The following CST2 variants were observed in gnomAD, a reference collection of about 807,000 sequenced individuals.
CST2 encodes the protein cystatin-SA.
In CST2, 26 loss-of-function variants were observed where a neutral mutation model predicts 13.4. The ratio of observed to expected loss-of-function variants is 1.95; its 90% CI spans 1.43 to 2.70. The LOEUF is 2.70. Among genes scored for constraint, CST2 ranks in the 30% most tolerant of loss-of-function variants. The pLI is 0.00. For missense variants in CST2, 243 were observed against 173.4 expected (o/e 1.40, Z -2.25); for synonymous variants, 105 against 71.1 (o/e 1.48, Z -2.40).
intron 2 of CST2, 113 bp downstream of exon 2, chr20:23,825,097 C>T: frequency 3.5e-6 from 5 of 1,448,816 alleles, no homozygotes; most frequent in Non-Finnish European, 4.8e-6. Context: ...TACATGACTC[C>T]CCACATACCC....
rs771687341 is a variant in CST2, at chr20:23,826,534, G to T, written c.127C>A (p.Arg43=). ...ACAAAGTGAAGGGCACGCTGTACCC[G>T]CTCATCATTGAGGTCTGCATCATAG... The part of the protein sequence containing the change: ...GIYDADLNDE[R]VQRALHFVIS... The change falls in exon 1 of 3, where the codon CGG becomes AGG. Residue 43 remains arginine, a synonymous_variant. Coordinates refer to ENST00000304725, the MANE Select transcript of CST2 (RefSeq NM_001322.3). The T allele has an allele frequency of 2.5e-5, 40 of 1,613,970 alleles. No homozygotes were observed. The highest frequency in any genetic ancestry group is 1.6e-4 in the Middle Eastern group (1 of 6,078).
rs529548171 is a variant in CST2 at position 23,824,588 on chromosome 20, C to T, written c.343-485G>A. 3.3e-5 allele frequency among the ~76,000 whole-genome samples: 5 copies of T among 152,268 alleles called. No individual in the cohort carries two copies. The South Asian group carries it at 8.3e-4, about 25-fold the overall frequency. On this transcript the variant is annotated intron_variant, in intron 2 of 2. Coordinates refer to ENST00000304725, the MANE Select transcript of CST2 (RefSeq NM_001322.3). ...GAGACCTCACAAGAACCAGCAGGTC[C>T]CTGGAGAGGCTGGTGTTGGGTGAGC...
At chr20:23,824,152 G>C in intron 2 of CST2, 49 bp from the exon 3 acceptor site, 1 of 1,590,772 alleles carries the variant, frequency 6.3e-7, no homozygotes, top group Non-Finnish European at 8.6e-7. Context: ...ACAGTTAAAG[G>C]GGAAGTCACC....
chr20:23,825,347 G>A, intron 1 of CST2, 24 bp from the exon 2 acceptor site: 1 of 1,610,228 alleles, frequency 6.2e-7, no homozygotes, highest in Non-Finnish European at 8.5e-7. Context: ...AAAACAGGAT[G>A]CACGGACAGC....
intron 2 of CST2, among the ~76,000 whole-genome samples, 155 bp from the exon 3 acceptor site, chr20:23,824,258 G>A (rs1984756831): frequency 6.6e-6 from 1 of 151,714 alleles, no homozygotes; most frequent in Non-Finnish European, 1.5e-5. Context: ...GAACTAGAAT[G>A]AATAGTGACT....
intron 1 of CST2, among the ~76,000 whole-genome samples, chr20:23,826,006 C>A (rs55743747): frequency 6.6e-6 from 1 of 152,192 alleles, no homozygotes; most frequent in Admixed American, 6.5e-5. Flanking sequence ...CAGGGTCAGG[C>A]GTGCTCCACC....
In CST2 at chr20:23,825,337, A is replaced by G. The variant is rs1435028309; in HGVS notation, c.229-14T>C. ...CCCGCCCACGATCTACACACATGAG[A>G]AAACAGGATGCACGGACAGCGCCCC... On this transcript the variant is annotated splice_polypyrimidine_tract_variant and intron_variant, in intron 1 of 2. Coordinates refer to ENST00000304725, the MANE Select transcript of CST2 (RefSeq NM_001322.3). The G allele has an allele frequency of 1.2e-6, 2 of 1,613,742 alleles. No individual in the cohort carries two copies. The highest frequency in any genetic ancestry group is 2.7e-5 in the African/African-American group (2 of 74,932).
At chr20:23,826,104 G>A (rs1384606876) in intron 1 of CST2, among the ~76,000 whole-genome samples, 3 of 152,164 alleles carry the variant, frequency 2.0e-5, no homozygotes, top group Admixed American at 6.5e-5. Context: ...CTGTACCCAC[G>A]GGTGTGACTT....
At position 23,825,979 on chromosome 20, in the gene CST2, G is replaced by T. The variant is rs565065879; in HGVS notation, c.228+454C>A. ...CCTCATCTGGCTGAGGTCTAACTCT[G>T]CATCAACTCATAGAGGCAGGGTCAG... On this transcript the variant is annotated intron_variant, in intron 1 of 2. Coordinates refer to ENST00000304725, the MANE Select transcript of CST2 (RefSeq NM_001322.3). Among the ~76,000 whole-genome samples the T allele has an allele frequency of 3.9e-5, 6 of 152,308 alleles. No individual in the cohort carries two copies. In the South Asian group the frequency reaches 1.2e-3, roughly 32 times the overall value.
In CST2 at chr20:23,823,803, T is replaced by G. The variant is rs557681007; in HGVS notation, c.*217A>C. Reference sequence around the variant, plus strand: ...ACTGTTTAATTGCAGGAGGTGGGGGTGTGTGTACCATGTACCAGGGCTATG... The same window carrying G: ...ACTGTTTAATTGCAGGAGGTGGGGGGGTGTGTACCATGTACCAGGGCTATG... On this transcript the variant is annotated 3_prime_UTR_variant, in exon 3 of 3. Transcript: ENST00000304725. 5.0e-5 allele frequency: 28 copies of G among 564,942 alleles called. No individual in the cohort carries two copies. In the East Asian group the frequency reaches 5.4e-4, roughly 11 times the overall value. 35.0% of individuals were successfully genotyped at this position (564,942 alleles called of 1,614,324 possible).
rs748653335 is a variant in CST2 at position 23,826,675 on chromosome 20, C to G, written c.-15G>C. Reference sequence around the variant, plus strand: ...GGCCAGGCCATGGTCTCCTCGGAGGCAGAGCACAGAGCTGGAGCTGCAGGA... The same window carrying G: ...GGCCAGGCCATGGTCTCCTCGGAGGGAGAGCACAGAGCTGGAGCTGCAGGA... On this transcript the variant is annotated 5_prime_UTR_variant, in exon 1 of 3. Transcript: ENST00000304725. The G allele has an allele frequency of 3.8e-6, 6 of 1,574,268 alleles. No individual in the cohort carries two copies. Among genetic ancestry groups the G allele is most frequent in the Admixed American group, 3.7e-5 (2 of 54,568 alleles).
At position 23,823,888 on chromosome 20, in the gene CST2, G is replaced by A; in HGVS notation, c.*132C>T. 2 of 945,852 alleles carry A rather than the reference G, an allele frequency of 2.1e-6. No homozygotes were observed. Among genetic ancestry groups the A allele is most frequent in the Non-Finnish European group, 1.6e-6 (1 of 617,296 alleles). The allele number at this position is 945,852 out of a possible 1,614,324, so 58.6% of individuals were successfully genotyped here. A position where few individuals can be genotyped will look rare whatever the true frequency, so the allele number is the denominator to read the frequency against. ...TGCTGAGCAACAAAGGCCTCCTGCA[G>A]CCTTCTCTGTCTTCTCCTGCTGCAG... On this transcript the variant is annotated 3_prime_UTR_variant, in exon 3 of 3. Coordinates refer to ENST00000304725, the MANE Select transcript of CST2 (RefSeq NM_001322.3).
In CST2 at chr20:23,824,017, T is replaced by TC. The variant is rs775363925; in HGVS notation, c.*2dup. ...GGTCAGTGTGACTCCCTGGCACAGA[T>TC]CCCTAGGCTTCTTGACACCTGGAAT... On this transcript the variant is annotated 3_prime_UTR_variant, in exon 3 of 3. Transcript: ENST00000304725. The TC allele has an allele frequency of 5.0e-6, 8 of 1,613,898 alleles. No individual in the cohort carries two copies. Among genetic ancestry groups the TC allele is most frequent in the Non-Finnish European group, 6.8e-6 (8 of 1,179,856 alleles).
rs146315351 is a variant in CST2, at chr20:23,823,919, TGGGGAGACCTCCCACAGGGTG to T, written c.*80_*100del. 75,081 of 1,285,882 alleles carry T rather than the reference TGGGGAGACCTCCCACAGGGTG, an allele frequency of 0.058. 2,219 individuals carry two copies. The highest frequency in any genetic ancestry group is 0.12 in the South Asian group (9,621 of 79,650). 79.7% of individuals were successfully genotyped at this position (1,285,882 alleles called of 1,614,324 possible). On this transcript the variant is annotated 3_prime_UTR_variant, in exon 3 of 3. Transcript: ENST00000304725. ...TCTGTCTTCTCCTGCTGCAGGTGCA[TGGGGAGACCTCCCACAGGGTG>T]GGGGCCACCAGTCCAGGGGTGGGAG...
chr20:23,825,557 C>T (rs1262792332), intron 1 of CST2, among the ~76,000 whole-genome samples: 3 of 152,226 alleles, frequency 2.0e-5, no homozygotes, highest in African/African-American at 4.8e-5. Flanking sequence ...TTGAATTCTG[C>T]CACCTGTGGC....
rs566212209 is a variant in CST2, at chr20:23,824,388, C to T, written c.343-285G>A. On this transcript the variant is annotated intron_variant, in intron 2 of 2. Coordinates refer to ENST00000304725, the MANE Select transcript of CST2 (RefSeq NM_001322.3). ...TCAGCCTGTGCAAGACCTTGGGAGCCCCAAGGGTGCAGGGCATGGGGAGGT... is the reference window on the plus strand; with the variant it reads ...TCAGCCTGTGCAAGACCTTGGGAGCTCCAAGGGTGCAGGGCATGGGGAGGT... Among the ~76,000 whole-genome samples, 11 of 152,234 alleles carry T rather than the reference C, an allele frequency of 7.2e-5. No individual in the cohort carries two copies. The South Asian group carries it at 1.9e-3, about 26-fold the overall frequency.
chr20:23,826,021 C>T (rs1204672689), intron 1 of CST2, among the ~76,000 whole-genome samples: 3 of 152,212 alleles, frequency 2.0e-5, no homozygotes, highest in African/African-American at 4.8e-5. Flanking sequence ...TCCACCCCAG[C>T]AGGGACTCAG....
intron 1 of CST2, 21 bp downstream of exon 1, chr20:23,826,412 T>G (rs1213511550): frequency 6.2e-7 from 1 of 1,606,050 alleles, no homozygotes; most frequent in Non-Finnish European, 8.5e-7. Flanking sequence ...TCAGGACCCC[T>G]CAGGTGGAGG....
intron 2 of CST2, among the ~76,000 whole-genome samples, chr20:23,824,895 C>T (rs112688146): frequency 0.01 from 1,574 of 152,118 alleles, 30 homozygotes; most frequent in African/African-American, 0.036. Context: ...TAGGCAACTA[C>T]GTAAACTCAC....
Sources: allele counts gnomAD v4.1 joint callset (sites outside exome capture counted in the v4.1 genomes callset), GRCh38; gene constraint gnomAD v4.1.1; transcripts MANE v1.5; gene names NCBI Gene and HGNC (gene_info 2026-07-23, HGNC 2026-07-21).